Variants in MSL2 observed in about 807,000 individuals in gnomAD.
MSL2 encodes the protein E3 ubiquitin-protein ligase MSL2.
Under a neutral mutation model 35.8 loss-of-function variants are expected in MSL2, and 2 were observed. The ratio of observed to expected loss-of-function variants is 0.06; its 90% CI spans 0.02 to 0.18. MSL2 has a LOEUF of 0.18. Ranked by LOEUF, MSL2 falls within the 10% of genes least tolerant of loss-of-function variation. The pLI, the probability that MSL2 is intolerant of heterozygous loss-of-function variation, is 1.00. For missense variants in MSL2, 523 were observed against 706.7 expected (o/e 0.74, Z 2.95); for synonymous variants, 296 against 255.7 (o/e 1.16, Z -1.50).
At chr3:136,190,418 T>C (rs1940654529) in intron 1 of MSL2, among the ~76,000 whole-genome samples, 1 of 151,820 alleles carries the variant, frequency 6.6e-6, no homozygotes, top group Non-Finnish European at 1.5e-5. Flanking sequence ...CAACCACGTG[T>C]GGTGGCGCAC....
At chr3:136,158,591 T>C (rs1328206542) in intron 1 of MSL2, among the ~76,000 whole-genome samples, 2 of 152,104 alleles carry the variant, frequency 1.3e-5, no homozygotes, top group East Asian at 1.9e-4. Context: ...CTTTTCAAAA[T>C]TGTACTTGTT....
chr3:136,186,042 C>T (rs1297867042), intron 1 of MSL2, among the ~76,000 whole-genome samples: 1 of 152,148 alleles, frequency 6.6e-6, no homozygotes, highest in Non-Finnish European at 1.5e-5. Context: ...ACAACCATAT[C>T]GCTAAAAATC....
At chr3:136,157,638 T>C (rs559806021) in intron 1 of MSL2, among the ~76,000 whole-genome samples, 77 of 152,088 alleles carry the variant, frequency 5.1e-4, no homozygotes, top group Admixed American at 9.8e-4. Flanking sequence ...GAATACAAAT[T>C]ACCAAAATTA....
intron 1 of MSL2, among the ~76,000 whole-genome samples, chr3:136,158,271 C>G (rs994517184): frequency 2.0e-5 from 3 of 151,524 alleles, no homozygotes; most frequent in Admixed American, 1.3e-4. Flanking sequence ...GAGATCATGC[C>G]ACTGCACTCC....
Position 136,196,073 on chromosome 3 carries a change from C to G in MSL2, c.-960G>C, listed in dbSNP as rs1055032175. ...GGCCGCGGAAGGCAAGCGCTCACAC[C>G]GCCAGGCCCCGCCGCCGCCCAGCGC... On this transcript the variant is annotated 5_prime_UTR_variant, in exon 1 of 2. Transcript: ENST00000309993. 1.3e-5 allele frequency: 2 copies of G among 155,674 alleles called. No homozygotes were observed. Among genetic ancestry groups the G allele is most frequent in the African/African-American group, 4.8e-5 (2 of 41,414 alleles). 9.6% of individuals were successfully genotyped at this position (155,674 alleles called of 1,614,324 possible).
intron 1 of MSL2, among the ~76,000 whole-genome samples, chr3:136,182,419 C>T (rs375541167): frequency 2.0e-5 from 3 of 152,120 alleles, no homozygotes; most frequent in South Asian, 4.1e-4. Flanking sequence ...CAAATATTGA[C>T]GAACAGGCGG....
At position 136,178,334 on chromosome 3, in the gene MSL2, T is replaced by C. The variant is rs17198337; in HGVS notation, c.142+16638A>G. Among the ~76,000 whole-genome samples the C allele has an allele frequency of 8.0e-3, 1,220 of 152,310 alleles. 23 individuals carry two copies. Among genetic ancestry groups the C allele is most frequent in the African/African-American group, 0.027 (1,107 of 41,554 alleles). On this transcript the variant is annotated intron_variant, in intron 1 of 1. Transcript: ENST00000309993. ...GGCTGATTAATTAGGCAAAATTAAG[T>C]TGATTCATACCTGAACAAACATTAA...
chr3:136,190,936 G>A (rs558467301), intron 1 of MSL2, among the ~76,000 whole-genome samples: 82 of 152,194 alleles, frequency 5.4e-4, no homozygotes, highest in Non-Finnish European at 4.1e-4. Flanking sequence ...AGCTTCAGAA[G>A]GTTTAAATAT....
intron 1 of MSL2, among the ~76,000 whole-genome samples, chr3:136,181,901 AGAGT>A (rs1479565941): frequency 1.3e-5 from 2 of 150,244 alleles, no homozygotes; most frequent in East Asian, 1.9e-4. Context: ...CCTCGGCAAC[AGAGT>A]GAGACTCTGT....
chr3:136,154,482 A>G (rs573809549), intron 1 of MSL2, among the ~76,000 whole-genome samples: 97 of 152,262 alleles, frequency 6.4e-4, no homozygotes, highest in African/African-American at 2.2e-3. Context: ...AATCCAGACA[A>G]ATGGTCAGCA....
chr3:136,183,779 T>TA (rs1458275721), intron 1 of MSL2, among the ~76,000 whole-genome samples: 4 of 152,158 alleles, frequency 2.6e-5, no homozygotes, highest in Admixed American at 2.6e-4. Flanking sequence ...TGAAAACACA[T>TA]ATAGTTCAGA....
At chr3:136,176,383 C>T (rs748453023) in intron 1 of MSL2, among the ~76,000 whole-genome samples, 4 of 151,612 alleles carry the variant, frequency 2.6e-5, no homozygotes, top group Non-Finnish European at 5.9e-5. Context: ...GACATGGGGG[C>T]ATGCACCTGC....
intron 1 of MSL2, among the ~76,000 whole-genome samples, chr3:136,180,330 C>A (rs572276827): frequency 7.2e-5 from 11 of 151,978 alleles, no homozygotes; most frequent in South Asian, 4.1e-4. Flanking sequence ...CTCTGGTCTC[C>A]AAAAATAAAA....
At chr3:136,164,741 G>C (rs768345954) in intron 1 of MSL2, among the ~76,000 whole-genome samples, 25 of 152,166 alleles carry the variant, frequency 1.6e-4, no homozygotes, top group Non-Finnish European at 3.4e-4. Flanking sequence ...ACAACAGGAG[G>C]AAATATGTCA....
rs372080099 is a variant in MSL2, at chr3:136,195,480, G to A, written c.-367C>T. On this transcript the variant is annotated 5_prime_UTR_variant, in exon 1 of 2. Transcript: ENST00000309993. ...CGGCCTGCACTCGAGCTCCATCTCC[G>A]GACACGGAGGCGCCTCCTCAAGTCG... is the stretch of plus-strand genomic sequence containing the variant. The A allele has an allele frequency of 3.9e-6, 4 of 1,018,998 alleles. No homozygotes were observed. In the South Asian group the frequency reaches 1.6e-4, roughly 40 times the overall value. The allele number at this position is 1,018,998 out of a possible 1,614,324, so 63.1% of individuals were successfully genotyped here.
At chr3:136,156,988 G>A (rs914555199) in intron 1 of MSL2, among the ~76,000 whole-genome samples, 2 of 152,126 alleles carry the variant, frequency 1.3e-5, no homozygotes, top group African/African-American at 2.4e-5. Context: ...ATATTGTAAA[G>A]CCCATTTTTA....
intron 1 of MSL2, among the ~76,000 whole-genome samples, chr3:136,192,294 T>A (rs1940711417): frequency 6.6e-6 from 1 of 152,214 alleles, no homozygotes; most frequent in South Asian, 2.1e-4. Context: ...GAGATCGGCC[T>A]CAGCCTCCTG....
intron 1 of MSL2, among the ~76,000 whole-genome samples, chr3:136,190,718 A>G (rs903522649): frequency 6.6e-6 from 1 of 152,252 alleles, no homozygotes; most frequent in Non-Finnish European, 1.5e-5. Flanking sequence ...TAATGAAAAC[A>G]TAAAATCCTT....
chr3:136,166,117 G>A (rs760519603), intron 1 of MSL2, among the ~76,000 whole-genome samples: 1 of 142,364 alleles, frequency 7.0e-6, no homozygotes, highest in Non-Finnish European at 1.5e-5. Flanking sequence ...GGCCAGGCAC[G>A]ATGGCTCACA....
Sources: allele counts gnomAD v4.1 joint callset (sites outside exome capture counted in the v4.1 genomes callset), GRCh38; gene constraint gnomAD v4.1.1; transcripts MANE v1.5; gene names NCBI Gene and HGNC (gene_info 2026-07-23, HGNC 2026-07-21).